Variants in CSMD1 observed in about 807,000 individuals in gnomAD.
CSMD1 encodes the protein CUB and Sushi multiple domains 1.
A neutral mutation model predicts 417.5 loss-of-function variants in CSMD1; 213 were observed. The observed-to-expected ratio is 0.51, with a 90% confidence interval of 0.46 to 0.57. The LOEUF (loss-of-function observed/expected upper bound fraction) is 0.57. Ranked by LOEUF, CSMD1 falls within the 20% of genes least tolerant of loss-of-function variation. The probability of loss-of-function intolerance (pLI) is 0.00; values close to 1 mark genes in which losing one functional copy is unlikely to be tolerated. For synonymous variants in CSMD1, 2,862 were observed against 1,736.8 expected, an observed-to-expected ratio of 1.65 and a Z score of -16.11; for missense variants, 6,923 against 4,529.7, an observed-to-expected ratio of 1.53 and a Z score of -15.17.
chr8:4,990,621 A>G (rs1811411230), intron 1 of CSMD1, among the ~76,000 whole-genome samples: 1 of 152,170 alleles, frequency 6.6e-6, no homozygotes, highest in Non-Finnish European at 1.5e-5. Context: ...AGCCTCCCAA[A>G]GTGCTGAGAT....
intron 3 of CSMD1, among the ~76,000 whole-genome samples, chr8:4,178,320 A>C (rs1460263679): frequency 6.6e-6 from 1 of 151,664 alleles, no homozygotes; most frequent in Non-Finnish European, 1.5e-5. Context: ...ACAGAACCAA[A>C]GACAAAAACC....
intron 1 of CSMD1, among the ~76,000 whole-genome samples, chr8:4,757,517 C>G (rs969810511): frequency 6.6e-6 from 1 of 152,186 alleles, no homozygotes; most frequent in Non-Finnish European, 1.5e-5. Flanking sequence ...AGAGGGAGAA[C>G]TGGGATTTGC....
intron 2 of CSMD1, among the ~76,000 whole-genome samples, chr8:4,548,809 G>T (rs1029762613): frequency 2.0e-5 from 3 of 152,102 alleles, no homozygotes; most frequent in Non-Finnish European, 2.9e-5. Flanking sequence ...GCAACAACCT[G>T]ATATATGGAG....
At chr8:4,352,372 C>T (rs779608685) in intron 3 of CSMD1, among the ~76,000 whole-genome samples, 7 of 152,090 alleles carry the variant, frequency 4.6e-5, no homozygotes, top group African/African-American at 1.7e-4. Context: ...TCACAAACAG[C>T]AATAAATATG....
chr8:4,169,698 G>C (rs184696941), intron 3 of CSMD1, among the ~76,000 whole-genome samples: 58 of 152,228 alleles, frequency 3.8e-4, no homozygotes, highest in Admixed American at 3.7e-3. Context: ...TCCCTGCCCT[G>C]TGCATGGCTT....
At chr8:3,684,530 T>A (rs967126722) in intron 7 of CSMD1, among the ~76,000 whole-genome samples, 20 of 151,496 alleles carry the variant, frequency 1.3e-4, no homozygotes, top group African/African-American at 4.8e-4. Context: ...ACTGGCCATC[T>A]AGAAACAAAT....
chr8:4,986,723 A>G (rs1418052187), intron 1 of CSMD1, among the ~76,000 whole-genome samples: 1 of 152,116 alleles, frequency 6.6e-6, no homozygotes, highest in Non-Finnish European at 1.5e-5. Context: ...AAAACTATTA[A>G]AAAAAAGAAG....
intron 49 of CSMD1, among the ~76,000 whole-genome samples, chr8:3,082,334 G>A (rs113478931): frequency 7.2e-5 from 11 of 152,252 alleles, no homozygotes; most frequent in African/African-American, 2.2e-4. Flanking sequence ...TGAAAGCCAC[G>A]TAAACTTGCA....
intron 5 of CSMD1, among the ~76,000 whole-genome samples, chr8:3,911,513 G>C (rs1291891093): frequency 7.0e-6 from 1 of 143,594 alleles, no homozygotes; most frequent in Non-Finnish European, 1.5e-5. Flanking sequence ...GGGCAACAGA[G>C]CAAGACTCCG....
chr8:4,077,811 A>G (rs928193452), intron 3 of CSMD1, among the ~76,000 whole-genome samples: 2 of 152,122 alleles, frequency 1.3e-5, no homozygotes, highest in African/African-American at 2.4e-5. Context: ...ACTCTGTTCC[A>G]TGGGAATTTT....
At chr8:4,050,906 C>A (rs367905539) in intron 3 of CSMD1, among the ~76,000 whole-genome samples, 22 of 152,076 alleles carry the variant, frequency 1.4e-4, no homozygotes, top group African/African-American at 4.8e-4. Context: ...CCTACCTTTA[C>A]GTGAGTCTTG....
At chr8:3,278,560 T>A (rs1189874136) in intron 26 of CSMD1, 2 of 152,210 alleles carry the variant, frequency 1.3e-5, no homozygotes, top group Admixed American at 6.5e-5. Flanking sequence ...TATTTAAAAA[T>A]TTTTAAAATC....
chr8:3,251,462 T>G (rs1350112450), intron 26 of CSMD1, among the ~76,000 whole-genome samples: 2 of 152,226 alleles, frequency 1.3e-5, no homozygotes, highest in Non-Finnish European at 2.9e-5. Flanking sequence ...TTTTGGTTAC[T>G]GTAGCCTTGT....
rs1267171972 is a variant in CSMD1 at position 2,935,407 on chromosome 8, T to C, written c.*3178A>G. On this transcript the variant is annotated 3_prime_UTR_variant, in exon 70 of 70. Coordinates refer to ENST00000635120, the MANE Select transcript of CSMD1 (RefSeq NM_033225.6). ...AACTCTGATTTGCTTTAAAGATTGG[T>C]GGCATTGCACAGGCTATATTACACC... 2 of 152,190 alleles carry C rather than the reference T, an allele frequency of 1.3e-5. No homozygotes were observed. Among genetic ancestry groups the C allele is most frequent in the African/African-American group, 2.4e-5 (1 of 41,434 alleles). 9.4% of individuals were successfully genotyped at this position (152,190 alleles called of 1,614,324 possible). A position where few individuals can be genotyped will look rare whatever the true frequency, so the allele number is the denominator to read the frequency against.
At chr8:4,060,124 C>G (rs1041507911) in intron 3 of CSMD1, among the ~76,000 whole-genome samples, 2 of 152,186 alleles carry the variant, frequency 1.3e-5, no homozygotes, top group Non-Finnish European at 2.9e-5. Flanking sequence ...CCCTGGGATG[C>G]AAGGCTGGTT....
chr8:4,545,605 C>G (rs955753641), intron 2 of CSMD1, among the ~76,000 whole-genome samples: 3 of 152,140 alleles, frequency 2.0e-5, no homozygotes, highest in African/African-American at 7.2e-5. Context: ...GAAGCCCTGG[C>G]TAGAGAAAAA....
At chr8:3,699,154 C>T (rs1410099082) in intron 7 of CSMD1, among the ~76,000 whole-genome samples, 1 of 152,232 alleles carries the variant, frequency 6.6e-6, no homozygotes, top group Non-Finnish European at 1.5e-5. Context: ...ACTCCTTCAG[C>T]AGTGGGATGG....
intron 5 of CSMD1, among the ~76,000 whole-genome samples, chr8:3,758,073 C>G (rs1315380585): frequency 1.3e-5 from 2 of 152,094 alleles, no homozygotes; most frequent in African/African-American, 4.8e-5. Context: ...AAGTGATTCT[C>G]CTGCCTCAGC....
chr8:3,456,494 C>T (rs1455223270), intron 12 of CSMD1, among the ~76,000 whole-genome samples: 3 of 152,168 alleles, frequency 2.0e-5, no homozygotes, highest in South Asian at 4.1e-4. Context: ...ACACTGAAGG[C>T]CTTGTGAATG....
Sources: gnomAD v4.1 joint callset for allele counts (sites outside exome capture counted in the v4.1 genomes callset) on GRCh38, gnomAD v4.1.1 for gene constraint, MANE v1.5 for transcripts, NCBI Gene and HGNC (gene_info 2026-07-23, HGNC 2026-07-21) for gene names.